CDH18: variants seen among roughly 807,000 people sequenced by gnomAD.
CDH18 encodes the protein cadherin 18, also known as cadherin-18.
A neutral mutation model predicts 67.9 loss-of-function variants in CDH18; 31 were observed. That is an observed-to-expected ratio of 0.46 (90% CI 0.34 to 0.62). The LOEUF is 0.62. Ranked by LOEUF, CDH18 falls within the 20% of genes least tolerant of loss-of-function variation. The pLI is 0.01. For synonymous variants in CDH18, 362 were observed against 347.2 expected (o/e 1.04, Z -0.48); for missense variants, 890 against 975.5 (o/e 0.91, Z 1.17).
At chr5:19,607,489 G>T (rs1202187587) in intron 6 of CDH18, among the ~76,000 whole-genome samples, 1 of 150,812 alleles carries the variant, frequency 6.6e-6, no homozygotes, top group African/African-American at 2.4e-5. Context: ...ATAGAAAAAA[G>T]TATAAAAATG....
At chr5:20,049,445 A>AC (rs76657447) in intron 2 of CDH18, among the ~76,000 whole-genome samples, 1 of 151,214 alleles carries the variant, frequency 6.6e-6, no homozygotes. Flanking sequence ...TATACAACAA[A>AC]CCCCCATGAC....
intron 2 of CDH18, chr5:19,886,110 A>T (rs988277146): frequency 6.6e-6 from 1 of 152,210 alleles, no homozygotes; most frequent in African/African-American, 2.4e-5. Flanking sequence ...ATTAACTCAC[A>T]TACTTTGGTT....
intron 1 of CDH18, among the ~76,000 whole-genome samples, chr5:20,359,532 AC>A (rs1280497906): frequency 1.7e-4 from 26 of 152,188 alleles, no homozygotes; most frequent in African/African-American, 5.8e-4. Context: ...GCCTTTAAGT[AC>A]TTAACATTCT....
intron 9 of CDH18, among the ~76,000 whole-genome samples, chr5:19,531,586 A>G (rs527474462): frequency 6.7e-6 from 1 of 149,690 alleles, no homozygotes; most frequent in South Asian, 2.1e-4. Context: ...CTATTTACCC[A>G]AGACAAGTTA....
chr5:20,441,865 T>C (rs1440645605), intron 1 of CDH18, among the ~76,000 whole-genome samples: 1 of 151,912 alleles, frequency 6.6e-6, no homozygotes, highest in East Asian at 1.9e-4. Flanking sequence ...GAGATGACAA[T>C]CTGTTGCTTA....
chr5:20,299,287 G>C (rs1747769045), intron 1 of CDH18, among the ~76,000 whole-genome samples: 1 of 152,080 alleles, frequency 6.6e-6, no homozygotes, highest in African/African-American at 2.4e-5. Flanking sequence ...CAAAATGGAT[G>C]TGGTTTGTCA....
At chr5:19,925,431 C>A (rs569212512) in intron 2 of CDH18, among the ~76,000 whole-genome samples, 1 of 152,138 alleles carries the variant, frequency 6.6e-6, no homozygotes, top group African/African-American at 2.4e-5. Flanking sequence ...TACTGTGATC[C>A]GCAATTTATT....
chr5:20,122,551 C>T (rs1443062874), intron 2 of CDH18, among the ~76,000 whole-genome samples: 4 of 151,876 alleles, frequency 2.6e-5, no homozygotes, highest in Non-Finnish European at 2.9e-5. Context: ...AGTATCTTGA[C>T]GTGACTGATT....
intron 1 of CDH18, among the ~76,000 whole-genome samples, chr5:20,258,900 A>C (rs1044969058): frequency 7.2e-5 from 11 of 152,082 alleles, no homozygotes; most frequent in African/African-American, 2.7e-4. Context: ...ATGAGGTCAA[A>C]CCCTAGTTAA....
chr5:20,172,013 T>C (rs546602724), intron 2 of CDH18, among the ~76,000 whole-genome samples: 51 of 150,474 alleles, frequency 3.4e-4, no homozygotes, highest in Non-Finnish European at 6.2e-4. Context: ...GTAAGCTTTG[T>C]CAAAGGTCAG....
At chr5:19,861,595 G>A (rs1784917226) in intron 2 of CDH18, among the ~76,000 whole-genome samples, 1 of 152,160 alleles carries the variant, frequency 6.6e-6, no homozygotes, top group Non-Finnish European at 1.5e-5. Flanking sequence ...ACAATTGACA[G>A]AGTAGAGAGA....
intron 7 of CDH18, among the ~76,000 whole-genome samples, chr5:19,579,736 G>C (rs185560886): frequency 5.2e-4 from 79 of 151,678 alleles, no homozygotes; most frequent in African/African-American, 1.9e-3. Context: ...TAGGAAAAGA[G>C]GTATTGTTTC....
At chr5:19,904,613 G>C (rs1790339682) in intron 2 of CDH18, among the ~76,000 whole-genome samples, 1 of 152,142 alleles carries the variant, frequency 6.6e-6, no homozygotes, top group South Asian at 2.1e-4. Context: ...TCTAACTGCG[G>C]CTCTGTAAAT....
chr5:20,109,839 C>G (rs147769109), intron 2 of CDH18, among the ~76,000 whole-genome samples: 2,791 of 152,190 alleles, frequency 0.018, 100 homozygotes, highest in African/African-American at 0.062. Context: ...GAAGACATTT[C>G]TTTAGAATTA....
intron 1 of CDH18, among the ~76,000 whole-genome samples, chr5:19,984,987 T>C (rs1208380863): frequency 6.6e-6 from 1 of 152,148 alleles, no homozygotes; most frequent in Non-Finnish European, 1.5e-5. Flanking sequence ...TCCCAAAATA[T>C]AATAGTAGAA....
At chr5:20,323,221 C>T (rs573319068) in intron 1 of CDH18, among the ~76,000 whole-genome samples, 1 of 152,224 alleles carries the variant, frequency 6.6e-6, no homozygotes, top group South Asian at 2.1e-4. Flanking sequence ...CATTAGAATA[C>T]AACTTAGCAG....
In CDH18 at chr5:19,483,412, A is replaced by G; in HGVS notation, c.1771T>C (p.Cys591Arg). The G allele has an allele frequency of 1.2e-6, 2 of 1,614,156 alleles. No homozygotes were observed. Among genetic ancestry groups the G allele is most frequent in the Non-Finnish European group, 1.7e-6 (2 of 1,180,014 alleles). The change falls in exon 12 of 13, where the codon TGC becomes CGC. Residue 591 changes from cysteine (C) to arginine (R), a missense_variant. Around this residue, in one of 2 missense-constraint regions of CDH18, gnomAD observed 656 missense variants for 668.1 expected, o/e 0.98. Coordinates refer to ENST00000382275, the MANE Select transcript of CDH18 (RefSeq NM_004934.5). ...SSTLTIRVCA[C>R]ERDGRVRTCH... Reference sequence around the variant, plus strand: ...GTCCGCACACGCCCATCTCTCTCGCATGCACAAACCCTGATGGTGAGGGTG... The same window carrying G: ...GTCCGCACACGCCCATCTCTCTCGCGTGCACAAACCCTGATGGTGAGGGTG...
At chr5:20,419,338 A>G (rs6861320) in intron 1 of CDH18, among the ~76,000 whole-genome samples, 118,160 of 151,532 alleles carry the variant, frequency 0.78, 46,234 homozygotes, top group Admixed American at 0.86. Flanking sequence ...ACTAATACAC[A>G]CCCTTCACCA....
chr5:20,126,747 A>T (rs955709642), intron 2 of CDH18, among the ~76,000 whole-genome samples: 2 of 152,292 alleles, frequency 1.3e-5, no homozygotes, highest in Middle Eastern at 3.4e-3. Flanking sequence ...GGAAAATAAA[A>T]ATCAAAATTA....
Sources: gnomAD v4.1 joint callset for allele counts (sites outside exome capture counted in the v4.1 genomes callset) on GRCh38, gnomAD v4.1.1 for gene constraint, gnomAD v4.1.1 regional missense constraint, MANE v1.5 for transcripts, NCBI Gene and HGNC (gene_info 2026-07-23, HGNC 2026-07-21) for gene names.